BCL11A: variants seen among roughly 807,000 people sequenced by gnomAD.
BCL11A encodes B cell CLL/lymphoma 11A.
A neutral mutation model predicts 55.9 loss-of-function variants in BCL11A; 2 were observed. The ratio of observed to expected loss-of-function variants is 0.04; its 90% CI spans 0.01 to 0.11. The LOEUF (loss-of-function observed/expected upper bound fraction) is 0.11. BCL11A is among the 10% of genes least tolerant of loss of function. The pLI, the probability that BCL11A is intolerant of heterozygous loss-of-function variation, is 1.00. For synonymous variants in BCL11A, 465 were observed against 473.4 expected, an observed-to-expected ratio of 0.98 and a Z score of 0.23; for missense variants, 817 against 1,137.1, an observed-to-expected ratio of 0.72 and a Z score of 4.05.
At chr2:60,518,109 T>G (rs908293201) in intron 2 of BCL11A, among the ~76,000 whole-genome samples, 1 of 152,174 alleles carries the variant, frequency 6.6e-6, no homozygotes, top group African/African-American at 2.4e-5. Context: ...CTGGGCAACA[T>G]AGCAAAACCC....
intron 2 of BCL11A, among the ~76,000 whole-genome samples, chr2:60,541,231 A>G (rs1249734867): frequency 3.6e-5 from 1 of 28,040 alleles, no homozygotes; most frequent in Non-Finnish European, 1.1e-4. Flanking sequence ...ATTATTTATA[A>G]AAGATGACTA....
chr2:60,503,404 G>C (rs1679404751), intron 2 of BCL11A, among the ~76,000 whole-genome samples: 1 of 152,218 alleles, frequency 6.6e-6, no homozygotes, highest in South Asian at 2.1e-4. Flanking sequence ...CCAGGAGCCA[G>C]ACATGTCCCT....
At chr2:60,519,698 C>T (rs142716968) in intron 2 of BCL11A, among the ~76,000 whole-genome samples, 6 of 152,262 alleles carry the variant, frequency 3.9e-5, no homozygotes, top group African/African-American at 1.4e-4. Flanking sequence ...ATTTCTGAGG[C>T]CAGTTCTGTT....
intron 2 of BCL11A, among the ~76,000 whole-genome samples, chr2:60,521,570 A>G (rs1202044341): frequency 2.6e-5 from 4 of 152,178 alleles, no homozygotes; most frequent in Non-Finnish European, 4.4e-5. Context: ...CAGCTCTGCA[A>G]TTGCCACTCT....
chr2:60,466,400 C>G (rs1293474311), intron 3 of BCL11A, among the ~76,000 whole-genome samples: 2 of 152,172 alleles, frequency 1.3e-5, no homozygotes, highest in South Asian at 4.1e-4. Flanking sequence ...CTCTCCCCAC[C>G]CAGCCAGCAT....
At chr2:60,517,539 A>C (rs1358957520) in intron 2 of BCL11A, among the ~76,000 whole-genome samples, 2 of 152,252 alleles carry the variant, frequency 1.3e-5, no homozygotes, top group African/African-American at 4.8e-5. Context: ...GCTCTTCAAC[A>C]AAGCTCCAGT....
Position 60,460,979 on chromosome 2 carries a change from G to C in BCL11A, c.1933C>G (p.Pro645Ala). The C allele has an allele frequency of 6.2e-7, 1 of 1,609,930 alleles. No individual in the cohort carries two copies. Among genetic ancestry groups the C allele is most frequent in the Non-Finnish European group, 8.5e-7 (1 of 1,177,842 alleles). Residue 645 changes from proline (P) to alanine (A), a missense_variant, in exon 4 of 4, where the codon CCC becomes GCC. Pro to Ala is a conservative substitution (Grantham distance 27, BLOSUM62 -1). This residue lies in a region of BCL11A where 379 missense variants were observed against 425.3 expected (regional missense o/e 0.89). Coordinates refer to ENST00000642384, the MANE Select transcript of BCL11A (RefSeq NM_022893.4). Reference sequence around the variant, plus strand: ...TCCGTGTTGGGCATCGCGGCCGGGGGCAGGTCGAACTCCTTCTCGAGCTTG... The same window carrying C: ...TCCGTGTTGGGCATCGCGGCCGGGGCCAGGTCGAACTCCTTCTCGAGCTTG... ...RIKLEKEFDL[P>A]PAAMPNTENV...
In BCL11A at chr2:60,514,124, C is replaced by T. The variant is rs550057108; in HGVS notation, c.385+31847G>A. ...CTTTCCTGAGAGCACGTGCAGCTAG[C>T]AGTGCTCCAAGCACTCTCTGAGAGG... On this transcript the variant is annotated intron_variant, in intron 2 of 3. Coordinates refer to ENST00000642384, the MANE Select transcript of BCL11A (RefSeq NM_022893.4). 1.2e-4 allele frequency among the ~76,000 whole-genome samples: 18 copies of T among 152,324 alleles called. No homozygotes were observed. In the South Asian group the frequency reaches 3.3e-3, roughly 28 times the overall value.
intron 2 of BCL11A, among the ~76,000 whole-genome samples, chr2:60,509,701 C>T (rs1679873927): frequency 6.6e-6 from 1 of 152,082 alleles, no homozygotes; most frequent in South Asian, 2.1e-4. Context: ...AACACCTGGC[C>T]CTCCCCAAAG....
At chr2:60,488,222 T>A (rs1286800166) in intron 2 of BCL11A, among the ~76,000 whole-genome samples, 1 of 152,244 alleles carries the variant, frequency 6.6e-6, no homozygotes, top group African/African-American at 2.4e-5. Context: ...TCAAAGCCTG[T>A]AAAAGATACC....
intron 2 of BCL11A, chr2:60,536,463 G>C (rs1476242093): frequency 2.0e-5 from 3 of 152,218 alleles, no homozygotes; most frequent in Non-Finnish European, 2.9e-5. Context: ...ATCTGTATGA[G>C]CCACAGGTCC....
chr2:60,461,137 C>A lies in BCL11A; in HGVS notation c.1775G>T (p.Gly592Val). 2 of 1,611,364 alleles carry A rather than the reference C, an allele frequency of 1.2e-6. No homozygotes were observed. Among genetic ancestry groups the A allele is most frequent in the South Asian group, 1.1e-5 (1 of 90,876 alleles). The change falls in exon 4 of 4, where the codon GGC (glycine) becomes GTC (valine). Residue 592 changes from glycine to valine, a missense_variant. Physicochemically the swap from Gly to Val is moderately radical, Grantham distance 109. Coordinates refer to ENST00000642384, the MANE Select transcript of BCL11A (RefSeq NM_022893.4). ...RDTCDEDSVA[G>V]ESDRIDDGTV... ...GCCATCGTCTATGCGGTCCGACTCG[C>A]CGGCCACCGAGTCTTCGTCGCAAGT...
chr2:60,482,870 T>C (rs2104204101), intron 2 of BCL11A, among the ~76,000 whole-genome samples: 1 of 152,328 alleles, frequency 6.6e-6, no homozygotes, highest in South Asian at 2.1e-4. Flanking sequence ...ACTAGACAAA[T>C]AATTGCAGCA....
chr2:60,551,049 G>T (rs1215323285), intron 1 of BCL11A: 12 of 397,174 alleles, frequency 3.0e-5, no homozygotes, highest in African/African-American at 1.6e-4. Context: ...CCAGGGCCCA[G>T]TGAAAAATTA....
At chr2:60,468,607 G>C (rs954908318) in intron 3 of BCL11A, 125 bp downstream of exon 3, 1 of 683,660 alleles carries the variant, frequency 1.5e-6, no homozygotes, top group Admixed American at 2.6e-5. Flanking sequence ...GTGAGTAATG[G>C]AATAATACAT....
At chr2:60,502,773 C>A (rs144553806) in intron 2 of BCL11A, among the ~76,000 whole-genome samples, 7 of 152,302 alleles carry the variant, frequency 4.6e-5, no homozygotes, top group African/African-American at 1.7e-4. Flanking sequence ...AGAAAGAGCA[C>A]TCAATTGGTG....
chr2:60,479,885 T>C (rs1677856910), intron 2 of BCL11A, among the ~76,000 whole-genome samples: 1 of 152,232 alleles, frequency 6.6e-6, no homozygotes, highest in East Asian at 1.9e-4. Context: ...ATGAAACGCT[T>C]CTGTCCCTCC....
At chr2:60,551,980 C>T (rs1670432116) in intron 1 of BCL11A, among the ~76,000 whole-genome samples, 1 of 152,172 alleles carries the variant, frequency 6.6e-6, no homozygotes, top group Non-Finnish European at 1.5e-5. Flanking sequence ...TCAAAATCCA[C>T]TTCCACTTTT....
intron 2 of BCL11A, among the ~76,000 whole-genome samples, chr2:60,532,080 C>T (rs761696352): frequency 2.0e-5 from 3 of 152,188 alleles, no homozygotes; most frequent in Non-Finnish European, 4.4e-5. Flanking sequence ...GCCTCTGCCC[C>T]TCCCCCCAAA....
Sources: gnomAD v4.1 joint callset for allele counts (sites outside exome capture counted in the v4.1 genomes callset) on GRCh38, gnomAD v4.1.1 for gene constraint, gnomAD v4.1.1 regional missense constraint, MANE v1.5 for transcripts, NCBI Gene and HGNC (gene_info 2026-07-23, HGNC 2026-07-21) for gene names.